The following SOX5 variants were observed in gnomAD, a reference collection of about 807,000 sequenced individuals.
SOX5 encodes SRY-box transcription factor 5.
SOX5 carries 9 observed loss-of-function variants against 92.0 expected under a neutral mutation model. That is an observed-to-expected ratio of 0.10 (90% CI 0.06 to 0.17). The LOEUF is 0.17. SOX5 is among the 10% of genes least tolerant of loss of function. SOX5 has a pLI of 1.00. For missense variants in SOX5, 642 were observed against 944.5 expected, an observed-to-expected ratio of 0.68 and a Z score of 4.20; for synonymous variants, 344 against 336.3, an observed-to-expected ratio of 1.02 and a Z score of -0.25.
At chr12:23,894,330 C>T (rs1175613674) in intron 2 of SOX5, among the ~76,000 whole-genome samples, 8 of 152,064 alleles carry the variant, frequency 5.3e-5, no homozygotes, top group East Asian at 1.9e-4. Context: ...TGGGTTCAAG[C>T]GATTCTCCTG....
chr12:23,908,998 G>T (rs1179690672), intron 1 of SOX5, among the ~76,000 whole-genome samples: 1 of 151,922 alleles, frequency 6.6e-6, no homozygotes, highest in Non-Finnish European at 1.5e-5. Flanking sequence ...TAAAAGCATG[G>T]TTCATACTGC....
In SOX5 at chr12:23,624,255, C is replaced by T. The variant is rs560012240; in HGVS notation, c.1017+16557G>A. Among the ~76,000 whole-genome samples, 14 of 152,002 alleles carry T rather than the reference C, an allele frequency of 9.2e-5. No individual in the cohort carries two copies. The South Asian group carries it at 1.9e-3, about 20-fold the overall frequency. ...TTGGGATGATGAAACGTTCTGGAGA[C>T]GGGTAGTGGTGATGGTTGTACAACA... On this transcript the variant is annotated intron_variant, in intron 8 of 14. Coordinates refer to ENST00000451604, the MANE Select transcript of SOX5 (RefSeq NM_006940.6).
intron 3 of SOX5, among the ~76,000 whole-genome samples, chr12:24,242,782 ACTTT>A (rs1937709532): frequency 6.6e-6 from 1 of 152,156 alleles, no homozygotes; most frequent in Non-Finnish European, 1.5e-5. Context: ...AAACTTGTAC[ACTTT>A]CTGAGGGCAA....
chr12:24,476,891 C>T (rs1402286624), intron 1 of SOX5, among the ~76,000 whole-genome samples: 1 of 149,404 alleles, frequency 6.7e-6, no homozygotes, highest in East Asian at 2.0e-4. Flanking sequence ...GGCTGAGCAT[C>T]GTGGTTCACA....
At chr12:23,816,144 A>G (rs914675470) in intron 3 of SOX5, among the ~76,000 whole-genome samples, 1 of 151,208 alleles carries the variant, frequency 6.6e-6, no homozygotes, top group African/African-American at 2.4e-5. Flanking sequence ...TGTGGACCCT[A>G]TTTGCGGACC....
chr12:23,575,722 G>A lies in SOX5; in HGVS notation c.1281C>T (p.Gly427=), dbSNP rs749235263. Residue 427 remains glycine, a synonymous_variant, in exon 10 of 15, where the codon GGC becomes GGT. Transcript: ENST00000451604. ...MPALRINSGA[G]PLKASVPAAL... Reference sequence around the variant, plus strand: ...CTGCTGGGACAGAGGCTTTGAGGGGGCCTGCCCCACTGTTTATTCTCAGAG... The same window carrying A: ...CTGCTGGGACAGAGGCTTTGAGGGGACCTGCCCCACTGTTTATTCTCAGAG... 45 of 1,613,986 alleles carry A rather than the reference G, an allele frequency of 2.8e-5. 1 individual carries two copies. The South Asian group carries it at 4.9e-4, about 18-fold the overall frequency.
chr12:23,673,976 A>G (rs1484587792), intron 6 of SOX5, among the ~76,000 whole-genome samples: 2 of 152,192 alleles, frequency 1.3e-5, no homozygotes, highest in Non-Finnish European at 2.9e-5. Context: ...ACAAAAATAT[A>G]TAACTTCACT....
chr12:24,524,919 C>G (rs1188248079), intron 1 of SOX5, among the ~76,000 whole-genome samples: 1 of 152,104 alleles, frequency 6.6e-6, no homozygotes, highest in Non-Finnish European at 1.5e-5. Flanking sequence ...AGCTAGGATC[C>G]TGCCACTGCA....
intron 1 of SOX5, among the ~76,000 whole-genome samples, chr12:24,458,433 A>T (rs1246309329): frequency 6.6e-6 from 1 of 152,074 alleles, no homozygotes; most frequent in African/African-American, 2.4e-5. Context: ...TCCAGGGTCC[A>T]TTCTCTACTC....
intron 1 of SOX5, among the ~76,000 whole-genome samples, chr12:24,410,509 T>G (rs1963882837): frequency 6.6e-6 from 1 of 152,236 alleles, no homozygotes; most frequent in Admixed American, 6.5e-5. Flanking sequence ...TCAAGGGTTT[T>G]TTTGTTTGTT....
rs189939854 is a variant in SOX5 at position 23,633,959 on chromosome 12, G to A, written c.1017+6853C>T. 2.0e-5 allele frequency among the ~76,000 whole-genome samples: 3 copies of A among 152,182 alleles called. No individual in the cohort carries two copies. The East Asian group carries it at 5.8e-4, about 29-fold the overall frequency. ...CAACCCACTGTTATGGTAAGATAAA[G>A]GGAAGAAAGAGCAGGAGAGACAGAG... On this transcript the variant is annotated intron_variant, in intron 8 of 14. Coordinates refer to ENST00000451604, the MANE Select transcript of SOX5 (RefSeq NM_006940.6).
At chr12:24,489,578 G>A (rs1211099820) in intron 1 of SOX5, among the ~76,000 whole-genome samples, 1 of 152,094 alleles carries the variant, frequency 6.6e-6, no homozygotes, top group East Asian at 1.9e-4. Flanking sequence ...GGTTGATGGC[G>A]ATTTCACTTG....
intron 3 of SOX5, among the ~76,000 whole-genome samples, chr12:23,781,275 T>TA (rs1400652119): frequency 1.2e-4 from 18 of 151,624 alleles, no homozygotes; most frequent in African/African-American, 4.1e-4. Context: ...TTTTTTTTTT[T>TA]AATCTTCCAT....
chr12:23,957,029 TTC>T (rs1394730261), intron 4 of SOX5, among the ~76,000 whole-genome samples: 1 of 152,192 alleles, frequency 6.6e-6, no homozygotes, highest in Non-Finnish European at 1.5e-5. Context: ...AATTACAAAC[TTC>T]TGTTTCTATA....
intron 3 of SOX5, among the ~76,000 whole-genome samples, chr12:23,832,498 G>T (rs990213070): frequency 9.9e-5 from 15 of 152,048 alleles, no homozygotes; most frequent in African/African-American, 3.1e-4. Context: ...GTATAAAGGA[G>T]AATTATATTG....
At chr12:24,171,615 C>T (rs759915308) in intron 4 of SOX5, among the ~76,000 whole-genome samples, 3 of 152,062 alleles carry the variant, frequency 2.0e-5, no homozygotes, top group African/African-American at 7.2e-5. Context: ...CTTTCATATG[C>T]GCTTTCTGAA....
At chr12:24,474,223 T>G (rs2137681565) in intron 1 of SOX5, among the ~76,000 whole-genome samples, 1 of 152,304 alleles carries the variant, frequency 6.6e-6, no homozygotes, top group East Asian at 1.9e-4. Flanking sequence ...TAAAACTTAT[T>G]TATAGGTATA....
At chr12:24,285,055 C>G (rs1000197209) in intron 2 of SOX5, among the ~76,000 whole-genome samples, 1 of 151,954 alleles carries the variant, frequency 6.6e-6, no homozygotes, top group Non-Finnish European at 1.5e-5. Context: ...AACCCTTGAA[C>G]CCGGGAGGTG....
At chr12:24,433,828 G>A (rs1938866129) in intron 1 of SOX5, among the ~76,000 whole-genome samples, 1 of 152,172 alleles carries the variant, frequency 6.6e-6, no homozygotes, top group African/African-American at 2.4e-5. Flanking sequence ...AACTCTGACA[G>A]TGCCATGGGT....
Sources: gnomAD v4.1 joint callset for allele counts (sites outside exome capture counted in the v4.1 genomes callset) on GRCh38, gnomAD v4.1.1 for gene constraint, MANE v1.5 for transcripts, NCBI Gene and HGNC (gene_info 2026-07-23, HGNC 2026-07-21) for gene names.